The following WTAP variants were observed in gnomAD, a reference collection of about 807,000 sequenced individuals.
WTAP encodes WT1 associated protein, also known as pre-mRNA-splicing regulator WTAP.
WTAP carries 8 observed loss-of-function variants against 50.0 expected under a neutral mutation model. The observed-to-expected ratio is 0.16, with a 90% CI of 0.09 to 0.29. The LOEUF (loss-of-function observed/expected upper bound fraction) is 0.29, where lower values mean the gene tolerates loss of function less well. WTAP is among the 10% of genes least tolerant of loss of function. The probability of loss-of-function intolerance (pLI) is 1.00; values close to 1 mark genes in which losing one functional copy is unlikely to be tolerated. For missense variants in WTAP, 295 were observed against 470.7 expected (o/e 0.63, Z 3.45); for synonymous variants, 194 against 169.0 (o/e 1.15, Z -1.15).
In WTAP at chr6:159,739,372, G is replaced by A. The variant is rs531834401; in HGVS notation, c.86+327G>A. Among the ~76,000 whole-genome samples the A allele has an allele frequency of 1.2e-3, 178 of 152,274 alleles. 4 individuals are homozygous for A. Among genetic ancestry groups the A allele is most frequent in the South Asian group, 7.7e-3 (37 of 4,824 alleles). On this transcript the variant is annotated intron_variant, in intron 3 of 7. Coordinates refer to ENST00000621533, the MANE Select transcript of WTAP (RefSeq NM_001270531.2). ...TGGAAGAAATACATAATTTACTAATGAAGTGAGGTTACTTTTTCTTATTAG... is the reference window on the plus strand; with the variant it reads ...TGGAAGAAATACATAATTTACTAATAAAGTGAGGTTACTTTTTCTTATTAG...
chr6:159,742,640 T>C (rs1196873482), intron 4 of WTAP, among the ~76,000 whole-genome samples: 2 of 152,232 alleles, frequency 1.3e-5, no homozygotes, highest in African/African-American at 4.8e-5. Flanking sequence ...TTTTACTGTT[T>C]GAATCACATA....
chr6:159,746,320 G>C (rs1250864782), intron 5 of WTAP, among the ~76,000 whole-genome samples: 1 of 152,190 alleles, frequency 6.6e-6, no homozygotes, highest in Non-Finnish European at 1.5e-5. Context: ...GAAAGGATTG[G>C]CCCTGAGAAG....
chr6:159,750,846 C>G (rs377625820), intron 6 of WTAP, among the ~76,000 whole-genome samples: 1 of 152,042 alleles, frequency 6.6e-6, no homozygotes, highest in African/African-American at 2.4e-5. Flanking sequence ...CAGGCAATCC[C>G]GTCTGGAATA....
In WTAP at chr6:159,730,160, C is replaced by G. The variant is rs1180800260; in HGVS notation, c.-9+2457C>G. Among the ~76,000 whole-genome samples, 3 of 152,166 alleles carry G rather than the reference C, an allele frequency of 2.0e-5. No individual in the cohort carries two copies. In the East Asian group the frequency reaches 5.8e-4, roughly 29 times the overall value. ...ATTAATTAATAGCTGTTTTAATCAC[C>G]TAATAGCTGATCACCTAATGACTAA... On this transcript the variant is annotated intron_variant, in intron 1 of 7. Coordinates refer to ENST00000621533, the MANE Select transcript of WTAP (RefSeq NM_001270531.2).
At position 159,742,223 on chromosome 6, in the gene WTAP, A is replaced by G. The variant is rs1014777321; in HGVS notation, c.145+77A>G. The G allele has an allele frequency of 4.0e-6, 5 of 1,250,566 alleles. No individual in the cohort carries two copies. In the African/African-American group the frequency reaches 7.6e-5, roughly 19 times the overall value. 77.5% of individuals were successfully genotyped at this position (1,250,566 alleles called of 1,614,324 possible). On this transcript the variant is annotated intron_variant, in intron 4 of 7. Coordinates refer to ENST00000621533, the MANE Select transcript of WTAP (RefSeq NM_001270531.2). ...TAAAATCAAAAGGATAGTTGTTTTT[A>G]TTAAAGCAAATGTAATTTTTCTCGT...
intron 2 of WTAP, chr6:159,736,825 T>TGC: frequency 6.6e-6 from 1 of 152,190 alleles, no homozygotes; most frequent in African/African-American, 2.4e-5. Flanking sequence ...TACTCTTACA[T>TGC]ACACACACAT....
At chr6:159,746,139 T>G (rs540984564) in intron 5 of WTAP, among the ~76,000 whole-genome samples, 1 of 152,318 alleles carries the variant, frequency 6.6e-6, no homozygotes, top group African/African-American at 2.4e-5. Flanking sequence ...TTTAAAATTG[T>G]TCGTTAGATT....
intron 1 of WTAP, among the ~76,000 whole-genome samples, chr6:159,729,076 C>T (rs1029101698): frequency 3.3e-5 from 5 of 152,082 alleles, no homozygotes; most frequent in African/African-American, 1.2e-4. Flanking sequence ...AGAGATGAAA[C>T]ACAATGTGTA....
At chr6:159,751,252 GGT>G (rs879853153) in intron 6 of WTAP, among the ~76,000 whole-genome samples, 10 of 152,076 alleles carry the variant, frequency 6.6e-5, no homozygotes, top group Admixed American at 5.9e-4. Context: ...TTTATTAAAA[GGT>G]ATGACTTTTT....
At chr6:159,742,180 T>C in intron 4 of WTAP, 34 bp downstream of exon 4, 1 of 1,507,844 alleles carries the variant, frequency 6.6e-7, no homozygotes, top group East Asian at 2.3e-5. Context: ...AAAGACTGAA[T>C]AATCTCCTTT....
At chr6:159,745,340 C>T (rs933751584) in intron 5 of WTAP, among the ~76,000 whole-genome samples, 2 of 152,150 alleles carry the variant, frequency 1.3e-5, no homozygotes, top group Admixed American at 1.3e-4. Context: ...GATCATATTA[C>T]GCCTGGTCAA....
Position 159,755,421 on chromosome 6 carries a change from C to T in WTAP, c.1001C>T (p.Ala334Val), listed in dbSNP as rs375840138. The change falls in exon 8 of 8, where the codon GCG becomes GTG. Residue 334 changes from alanine (A) to valine (V), a missense_variant. By Grantham distance (64) the Ala-to-Val change is moderately conservative (BLOSUM62 0). Coordinates refer to ENST00000621533, the MANE Select transcript of WTAP (RefSeq NM_001270531.2). ...GGSGYVNQLS[A>V]GYESVDSPTG... Reference sequence around the variant, plus strand: ...AGTGGTTACGTAAATCAACTCAGTGCGGGGTATGAAAGTGTAGACTCTCCC... The same window carrying T: ...AGTGGTTACGTAAATCAACTCAGTGTGGGGTATGAAAGTGTAGACTCTCCC... 67 of 1,613,960 alleles carry T rather than the reference C, an allele frequency of 4.2e-5. No homozygotes were observed. Among genetic ancestry groups the T allele is most frequent in the Admixed American group, 1.7e-4 (10 of 59,988 alleles).
intron 1 of WTAP, among the ~76,000 whole-genome samples, chr6:159,736,045 G>A (rs1172980912): frequency 6.6e-6 from 1 of 152,078 alleles, no homozygotes; most frequent in Non-Finnish European, 1.5e-5. Flanking sequence ...GTTAACAAAG[G>A]AAGATCTGGG....
intron 1 of WTAP, among the ~76,000 whole-genome samples, chr6:159,729,539 C>T (rs1225784518): frequency 6.6e-6 from 1 of 151,732 alleles, no homozygotes; most frequent in African/African-American, 2.4e-5. Context: ...ATTGAAGTTG[C>T]CTTTTATGTT....
chr6:159,727,374 T>TGGCAGGAGGCAGGAGGCGGGA (rs776889635), upstream of WTAP: 2 of 1,032,504 alleles, frequency 1.9e-6, no homozygotes, highest in Non-Finnish European at 2.5e-6. Flanking sequence ...GCGGGGAGGC[T>TGGCAGGAGGCAGGAGGCGGGA]GGCGGGAGGC....
intron 4 of WTAP, among the ~76,000 whole-genome samples, chr6:159,743,304 C>G (rs1315027391): frequency 6.6e-6 from 1 of 152,250 alleles, no homozygotes; most frequent in African/African-American, 2.4e-5. Context: ...GCCTCAGCCT[C>G]CCAAAGTGCT....
intron 2 of WTAP, 24 bp downstream of exon 2, chr6:159,736,319 T>C: frequency 1.3e-6 from 2 of 1,589,008 alleles, no homozygotes; most frequent in Non-Finnish European, 1.7e-6. Flanking sequence ...TTTTGGGTTT[T>C]TTTGTTTTGT....
intron 1 of WTAP, among the ~76,000 whole-genome samples, chr6:159,734,133 C>G (rs1013601469): frequency 6.6e-6 from 1 of 152,054 alleles, no homozygotes; most frequent in East Asian, 1.9e-4. Flanking sequence ...TGAGGAATCT[C>G]AAAATCAAGT....
intron 6 of WTAP, chr6:159,749,013 G>A (rs1383808844): frequency 5.9e-6 from 6 of 1,009,284 alleles, no homozygotes; most frequent in Admixed American, 5.9e-5. Context: ...ATAGATGTCC[G>A]TACAAGTAGC....
Sources: gnomAD v4.1 joint callset for allele counts (sites outside exome capture counted in the v4.1 genomes callset) on GRCh38, gnomAD v4.1.1 for gene constraint, MANE v1.5 for transcripts, NCBI Gene and HGNC (gene_info 2026-07-23, HGNC 2026-07-21) for gene names.